Variants in CNTN6 observed in about 807,000 individuals in gnomAD.
The protein encoded by CNTN6 is contactin 6, also known as contactin-6.
CNTN6 carries 137 observed loss-of-function variants against 122.8 expected under a neutral mutation model. The ratio of observed to expected loss-of-function variants is 1.12; its 90% CI spans 0.97 to 1.29. CNTN6 has a LOEUF of 1.29. Among genes scored for constraint, CNTN6 ranks in the 50% most tolerant of loss-of-function variants. CNTN6 has a pLI of 0.00. For synonymous variants in CNTN6, 570 were observed against 426.0 expected (o/e 1.34, Z -4.16); for missense variants, 1,634 against 1,223.4 (o/e 1.34, Z -5.01).
At chr3:1,384,796 T>TATACACACACAC (rs1224742660) in intron 19 of CNTN6, among the ~76,000 whole-genome samples, 1 of 133,788 alleles carries the variant, frequency 7.5e-6, no homozygotes, top group African/African-American at 2.8e-5. Context: ...TATATATATA[T>TATACACACACAC]ACACACACAC....
intron 4 of CNTN6, among the ~76,000 whole-genome samples, chr3:1,246,866 A>G (rs78008336): frequency 0.023 from 3,467 of 152,244 alleles, 109 homozygotes; most frequent in African/African-American, 0.073. Context: ...TCATTTTTCC[A>G]TATTTTAATT....
chr3:1,193,401 G>C (rs1464136872), intron 2 of CNTN6, among the ~76,000 whole-genome samples: 1 of 152,084 alleles, frequency 6.6e-6, no homozygotes, highest in Non-Finnish European at 1.5e-5. Context: ...TCTTTGATAA[G>C]TCACTTAACC....
intron 20 of CNTN6, among the ~76,000 whole-genome samples, chr3:1,388,135 G>GT (rs1465563982): frequency 2.6e-5 from 4 of 152,066 alleles, no homozygotes; most frequent in Non-Finnish European, 5.9e-5. Context: ...AAAGACAGCA[G>GT]TAACGTCTGC....
At position 1,187,674 on chromosome 3, in the gene CNTN6, C is replaced by T. The variant is rs116501908; in HGVS notation, c.56-33013C>T. 6.7e-3 allele frequency among the ~76,000 whole-genome samples: 1,014 copies of T among 152,254 alleles called. 10 individuals are homozygous for T. The highest frequency in any genetic ancestry group is 0.023 in the African/African-American group (962 of 41,548). On this transcript the variant is annotated intron_variant, in intron 2 of 22. Coordinates refer to ENST00000446702, the MANE Select transcript of CNTN6 (RefSeq NM_001289080.2). The stretch of plus-strand genomic sequence containing the variant: ...AAAATTTGCTACATAATTTGTGAGG[C>T]CAAGGGAAAAATGCAAACGCAGGAC...
At chr3:1,194,814 T>C (rs1458605930) in intron 2 of CNTN6, among the ~76,000 whole-genome samples, 1 of 152,166 alleles carries the variant, frequency 6.6e-6, no homozygotes, top group Non-Finnish European at 1.5e-5. Flanking sequence ...TGTATCTTAT[T>C]CCTTTTTTCC....
At chr3:1,279,379 C>CTCTA (rs1553654278) in intron 5 of CNTN6, among the ~76,000 whole-genome samples, 1 of 151,918 alleles carries the variant, frequency 6.6e-6, no homozygotes, top group Non-Finnish European at 1.5e-5. Context: ...ACCAATATCA[C>CTCTA]ACTATATTAT....
At chr3:1,288,002 G>T (rs971684280) in intron 5 of CNTN6, among the ~76,000 whole-genome samples, 19 of 151,756 alleles carry the variant, frequency 1.3e-4, no homozygotes, top group African/African-American at 3.9e-4. Context: ...TACAGTGTTG[G>T]CTCGGTCTTG....
At chr3:1,378,680 CA>C (rs1710229152) in intron 17 of CNTN6, among the ~76,000 whole-genome samples, 1 of 152,056 alleles carries the variant, frequency 6.6e-6, no homozygotes, top group Non-Finnish European at 1.5e-5. Context: ...ATTCAGTCCC[CA>C]CAATAATGCT....
At chr3:1,122,628 A>G (rs1189310294) in intron 1 of CNTN6, among the ~76,000 whole-genome samples, 2 of 151,772 alleles carry the variant, frequency 1.3e-5, no homozygotes, top group Admixed American at 6.6e-5. Flanking sequence ...CCAGGCCGCA[A>G]CAACTACCAA....
chr3:1,317,032 G>A (rs910149702), intron 7 of CNTN6, among the ~76,000 whole-genome samples: 2 of 151,772 alleles, frequency 1.3e-5, no homozygotes, highest in Admixed American at 1.3e-4. Flanking sequence ...TGATAAGCAA[G>A]AGGAACATGG....
chr3:1,352,361 A>T lies in CNTN6; in HGVS notation c.1402A>T (p.Asn468Tyr), dbSNP rs1176284931. 29 of 1,575,882 alleles carry T rather than the reference A, an allele frequency of 1.8e-5. No homozygotes were observed. Among genetic ancestry groups the T allele is most frequent in the Non-Finnish European group, 2.4e-5 (28 of 1,157,290 alleles). ...GGAGGATGGCAGCCTCAAGATATAT[A>T]ATATTACCAGGTCAGATGCTGGATC... ...LLEDGSLKIY[N>Y]ITRSDAGSYT... Residue 468 changes from asparagine to tyrosine, a missense_variant, in exon 12 of 23, where the codon AAT (asparagine) becomes TAT (tyrosine). Asn to Tyr is a moderately radical substitution (Grantham distance 143). Transcript: ENST00000446702.
chr3:1,146,572 AC>A (rs35730146), intron 1 of CNTN6, among the ~76,000 whole-genome samples: 59,407 of 151,742 alleles, frequency 0.39, 11,912 homozygotes, highest in South Asian at 0.6. Flanking sequence ...TATCATATTT[AC>A]TACACAAATA....
chr3:1,399,227 T>A (rs10510173), intron 20 of CNTN6, among the ~76,000 whole-genome samples: 3,377 of 152,218 alleles, frequency 0.022, 57 homozygotes, highest in South Asian at 0.054. Context: ...AAGAAAGGTA[T>A]CAAGAGTAGA....
chr3:1,273,383 G>A (rs1397590592), intron 4 of CNTN6, among the ~76,000 whole-genome samples: 2 of 152,214 alleles, frequency 1.3e-5, no homozygotes, highest in Non-Finnish European at 2.9e-5. Flanking sequence ...GCCTCTCCTT[G>A]TAGAAGAATA....
chr3:1,372,811 T>A, intron 13 of CNTN6, 27 bp from the exon 14 acceptor site: 1 of 1,388,832 alleles, frequency 7.2e-7, no homozygotes, highest in Non-Finnish European at 1.0e-6. Flanking sequence ...CTTACGTTTT[T>A]ATCCATTTCT....
chr3:1,146,020 A>T lies in CNTN6; in HGVS notation c.-82-1907A>T, dbSNP rs565879178. Among the ~76,000 whole-genome samples, 36 of 152,098 alleles carry T rather than the reference A, an allele frequency of 2.4e-4. 1 individual carries two copies. The South Asian group carries it at 7.5e-3, about 32-fold the overall frequency. Reference sequence around the variant, plus strand: ...TATTCAGAGATCCAATTTTTTTTTAATCTTCAAAGCCACTACTCTATTTAA... The same window carrying T: ...TATTCAGAGATCCAATTTTTTTTTATTCTTCAAAGCCACTACTCTATTTAA... On this transcript the variant is annotated intron_variant, in intron 1 of 22. Coordinates refer to ENST00000446702, the MANE Select transcript of CNTN6 (RefSeq NM_001289080.2).
At chr3:1,387,974 G>T (rs367579438) in intron 20 of CNTN6, among the ~76,000 whole-genome samples, 4 of 152,026 alleles carry the variant, frequency 2.6e-5, no homozygotes, top group African/African-American at 7.2e-5. Context: ...AGGCGGCAGC[G>T]AGGCTGGGGG....
intron 7 of CNTN6, among the ~76,000 whole-genome samples, chr3:1,306,547 T>G (rs1221489687): frequency 6.6e-6 from 1 of 152,192 alleles, no homozygotes; most frequent in Non-Finnish European, 1.5e-5. Context: ...GTGTGGACTT[T>G]AAGTTCAAAT....
intron 20 of CNTN6, among the ~76,000 whole-genome samples, chr3:1,390,601 A>C (rs1268900989): frequency 6.6e-6 from 1 of 152,012 alleles, no homozygotes; most frequent in African/African-American, 2.4e-5. Flanking sequence ...AAAACCCTTA[A>C]AAAATTAATG....
Sources: gnomAD v4.1 joint callset for allele counts (sites outside exome capture counted in the v4.1 genomes callset) on GRCh38, gnomAD v4.1.1 for gene constraint, MANE v1.5 for transcripts, NCBI Gene and HGNC (gene_info 2026-07-23, HGNC 2026-07-21) for gene names.